Variants in SLC35D4 observed in about 807,000 individuals in gnomAD.
SLC35D4 encodes the protein UDP-N-acetylglucosamine transporter SLC35D4.
chr18:23,348,644 T>C, the SLC35D4 span, among the ~76,000 whole-genome samples: 17 of 152,350 alleles, frequency 1.1e-4, no homozygotes, highest in African/African-American at 3.4e-4. Flanking sequence ...GATTTTAATA[T>C]AGCCACTATA....
At chr18:23,257,550 C>A in the SLC35D4 span, 1 of 618,736 alleles carries the variant, frequency 1.6e-6, no homozygotes, top group Non-Finnish European at 2.6e-6. Context: ...CCAAGAGGAG[C>A]CATGAGCTAT....
chr18:23,389,199 G>A, the SLC35D4 span, among the ~76,000 whole-genome samples: 1 of 152,064 alleles, frequency 6.6e-6, no homozygotes, highest in Non-Finnish European at 1.5e-5. Context: ...ATGTTGGCCA[G>A]GTTGGTCTCG....
the SLC35D4 span, among the ~76,000 whole-genome samples, chr18:23,359,910 T>A: frequency 6.6e-6 from 1 of 152,212 alleles, no homozygotes; most frequent in Non-Finnish European, 1.5e-5. Flanking sequence ...AAGGTGATCC[T>A]CTTCTCAAGG....
chr18:23,277,316 C>G, the SLC35D4 span, among the ~76,000 whole-genome samples: 1 of 151,934 alleles, frequency 6.6e-6, no homozygotes, highest in East Asian at 1.9e-4. Context: ...GAGGTTTCTG[C>G]TTTTACATCT....
chr18:23,259,163 A>T, the SLC35D4 span: 1 of 152,198 alleles, frequency 6.6e-6, no homozygotes, highest in African/African-American at 2.4e-5. Context: ...CCTTCCTCAC[A>T]TGGGGTCTGT....
At chr18:23,245,436 G>A in the SLC35D4 span, among the ~76,000 whole-genome samples, 9 of 151,914 alleles carry the variant, frequency 5.9e-5, 1 homozygote, top group South Asian at 4.2e-4. Flanking sequence ...GCTTGAACCC[G>A]GGAGGCGGAA....
At chr18:23,252,011 G>A in the SLC35D4 span, among the ~76,000 whole-genome samples, 5 of 151,742 alleles carry the variant, frequency 3.3e-5, no homozygotes, top group Admixed American at 2.0e-4. Flanking sequence ...GCTTGAACCC[G>A]GGAGGCGGAG....
At chr18:23,341,002 GA>G in the SLC35D4 span, among the ~76,000 whole-genome samples, 1 of 152,232 alleles carries the variant, frequency 6.6e-6, no homozygotes, top group African/African-American at 2.4e-5. Flanking sequence ...CTGACTAGGA[GA>G]AAACTATAAA....
the SLC35D4 span, among the ~76,000 whole-genome samples, chr18:23,291,519 CG>C: frequency 1.3e-5 from 2 of 152,218 alleles, no homozygotes; most frequent in Non-Finnish European, 2.9e-5. Flanking sequence ...TGATGGCACT[CG>C]GCTGGCAGAT....
the SLC35D4 span, chr18:23,253,786 G>A: frequency 5.6e-6 from 9 of 1,614,076 alleles, no homozygotes; most frequent in African/African-American, 2.7e-5. Flanking sequence ...AGGAGCCCAC[G>A]GTGGCCATGG....
chr18:23,303,498 A>T, the SLC35D4 span, among the ~76,000 whole-genome samples: 1 of 152,238 alleles, frequency 6.6e-6, no homozygotes, highest in East Asian at 1.9e-4. Context: ...GAGCTGTCTT[A>T]CTCTTAGCTC....
the SLC35D4 span, chr18:23,368,614 G>C: frequency 1.3e-6 from 1 of 752,400 alleles, no homozygotes; most frequent in Non-Finnish European, 2.1e-6. Context: ...TTATCTTCCT[G>C]GCAGGCACAT....
the SLC35D4 span, chr18:23,437,940 GC>G: frequency 6.9e-7 from 1 of 1,439,238 alleles, no homozygotes; most frequent in South Asian, 1.2e-5. Context: ...AGCAGCGGCA[GC>G]GGCAGCAGCC....
At chr18:23,284,503 G>A in the SLC35D4 span, among the ~76,000 whole-genome samples, 1 of 152,162 alleles carries the variant, frequency 6.6e-6, no homozygotes. Flanking sequence ...GCTCCGAGTT[G>A]TCCTACCTTT....
At chr18:23,273,353 T>A in the SLC35D4 span, among the ~76,000 whole-genome samples, 1 of 152,188 alleles carries the variant, frequency 6.6e-6, no homozygotes, top group Non-Finnish European at 1.5e-5. Context: ...TGTGTATGGA[T>A]GACACTGGGA....
At chr18:23,335,868 AC>A in the SLC35D4 span, among the ~76,000 whole-genome samples, 7 of 152,194 alleles carry the variant, frequency 4.6e-5, no homozygotes, top group Admixed American at 6.5e-5. Flanking sequence ...CACTAACGGC[AC>A]CCATAAAAAC....
At chr18:23,359,666 C>T in the SLC35D4 span, among the ~76,000 whole-genome samples, 8 of 152,200 alleles carry the variant, frequency 5.3e-5, no homozygotes, top group African/African-American at 1.9e-4. Flanking sequence ...AACAGGAGGT[C>T]GGTTCCAAGC....
the SLC35D4 span, among the ~76,000 whole-genome samples, chr18:23,399,001 A>T: frequency 6.6e-6 from 1 of 152,222 alleles, no homozygotes; most frequent in African/African-American, 2.4e-5. Flanking sequence ...GGAGTTCCAA[A>T]TAATGTATCT....
chr18:23,274,257 G>A, the SLC35D4 span, among the ~76,000 whole-genome samples: 2 of 152,222 alleles, frequency 1.3e-5, no homozygotes, highest in Non-Finnish European at 2.9e-5. Context: ...TTGTAAAAAT[G>A]GGAGAGCTGA....
Sources: allele counts gnomAD v4.1 joint callset (sites outside exome capture counted in the v4.1 genomes callset), GRCh38; gene constraint gnomAD v4.1.1; transcripts MANE v1.5; gene names NCBI Gene and HGNC (gene_info 2026-07-23, HGNC 2026-07-21).